The following SLC44A5 variants were observed in gnomAD, a reference collection of about 807,000 sequenced individuals.
SLC44A5 encodes choline transporter-like protein 5.
In SLC44A5, 57 loss-of-function variants were observed where a neutral mutation model predicts 101.8. The observed-to-expected ratio is 0.56, with a 90% confidence interval of 0.45 to 0.70. The LOEUF (loss-of-function observed/expected upper bound fraction) is 0.70, where lower values mean the gene tolerates loss of function less well. Among genes scored for constraint, SLC44A5 ranks in the 30% least tolerant of loss-of-function variants. SLC44A5 has a pLI of 0.00. For synonymous variants in SLC44A5, 281 were observed against 290.9 expected, an observed-to-expected ratio of 0.97 and a Z score of 0.35; for missense variants, 737 against 853.1, an observed-to-expected ratio of 0.86 and a Z score of 1.70.
At chr1:75,429,668 ATGG>A (rs954678899) in intron 2 of SLC44A5, among the ~76,000 whole-genome samples, 3 of 152,146 alleles carry the variant, frequency 2.0e-5, no homozygotes, top group African/African-American at 7.2e-5. Flanking sequence ...ATTTCCAGTC[ATGG>A]TGGAAGATGA....
At chr1:75,311,202 C>T (rs1010474571) in intron 4 of SLC44A5, among the ~76,000 whole-genome samples, 14 of 151,862 alleles carry the variant, frequency 9.2e-5, no homozygotes, top group Non-Finnish European at 1.5e-5. Flanking sequence ...CTGCAACCTC[C>T]GTTTCCCAGG....
At chr1:75,397,726 T>C (rs1374546208) in intron 2 of SLC44A5, among the ~76,000 whole-genome samples, 1 of 152,154 alleles carries the variant, frequency 6.6e-6, no homozygotes, top group African/African-American at 2.4e-5. Flanking sequence ...TAATCTTTGT[T>C]TAAAGTCACA....
intron 13 of SLC44A5, 54 bp downstream of exon 13, chr1:75,227,672 A>T (rs1218988106): frequency 6.9e-7 from 1 of 1,448,934 alleles, no homozygotes; most frequent in African/African-American, 1.5e-5. Flanking sequence ...TTTAGGCAAA[A>T]AGATATTTTC....
chr1:75,513,728 A>G (rs1669682998), intron 2 of SLC44A5, among the ~76,000 whole-genome samples: 1 of 152,206 alleles, frequency 6.6e-6, no homozygotes, highest in Admixed American at 6.5e-5. Context: ...TACAAAAGGG[A>G]GCCTTTGAAG....
chr1:75,582,489 A>G, intron 1 of SLC44A5: 1 of 588,968 alleles, frequency 1.7e-6, no homozygotes. Context: ...ACCAAGGCCC[A>G]GCCTGCAGCT....
the SLC44A5 span, among the ~76,000 whole-genome samples, chr1:75,664,158 C>G: frequency 2.6e-5 from 4 of 152,064 alleles, no homozygotes; most frequent in Non-Finnish European, 5.9e-5. Flanking sequence ...GAATATACCT[C>G]AGTAAGAGCC....
At chr1:75,705,587 CT>C in the SLC44A5 span, among the ~76,000 whole-genome samples, 6 of 152,070 alleles carry the variant, frequency 3.9e-5, no homozygotes, top group African/African-American at 1.4e-4. Context: ...ATAGTTATCC[CT>C]TTTTATTATA....
chr1:75,713,051 C>A, the SLC44A5 span, among the ~76,000 whole-genome samples: 1 of 152,150 alleles, frequency 6.6e-6, no homozygotes, highest in East Asian at 1.9e-4. Context: ...TTCCGCCTAA[C>A]CACTACCCTC....
the SLC44A5 span, among the ~76,000 whole-genome samples, chr1:75,698,653 G>C: frequency 1.3e-5 from 2 of 152,232 alleles, no homozygotes; most frequent in Non-Finnish European, 2.9e-5. Flanking sequence ...GCTGGATGGA[G>C]AATGACTTGG....
At chr1:75,632,584 T>C in the SLC44A5 span, among the ~76,000 whole-genome samples, 6 of 145,336 alleles carry the variant, frequency 4.1e-5, no homozygotes, top group Admixed American at 3.5e-4. Flanking sequence ...TAAAATCTCA[T>C]TGCAGAATGA....
At chr1:75,714,555 A>G in the SLC44A5 span, among the ~76,000 whole-genome samples, 1 of 152,230 alleles carries the variant, frequency 6.6e-6, no homozygotes, top group Non-Finnish European at 1.5e-5. Context: ...AGATGTTGGA[A>G]GTCAGCAACA....
intron 3 of SLC44A5, chr1:75,353,996 C>A: frequency 5.6e-6 from 2 of 357,922 alleles, no homozygotes; most frequent in East Asian, 9.3e-5. Context: ...ACTTGAAGGC[C>A]TGCAAATTAA....
At chr1:75,687,140 GGTCCAATCT>G in the SLC44A5 span, among the ~76,000 whole-genome samples, 1 of 152,004 alleles carries the variant, frequency 6.6e-6, no homozygotes. Context: ...ACCCAGATTG[GGTCCAATCT>G]GGTGCTAAAT....
chr1:75,281,424 C>A (rs905693860), intron 5 of SLC44A5, among the ~76,000 whole-genome samples: 2 of 151,988 alleles, frequency 1.3e-5, no homozygotes, highest in African/African-American at 2.4e-5. Context: ...GGAAAATTTG[C>A]AGCCCAACAA....
intron 3 of SLC44A5, among the ~76,000 whole-genome samples, chr1:75,348,056 A>G (rs1658381903): frequency 6.6e-6 from 1 of 152,188 alleles, no homozygotes; most frequent in Non-Finnish European, 1.5e-5. Flanking sequence ...TGCCAGTAGT[A>G]GAAAACTGTG....
intron 2 of SLC44A5, among the ~76,000 whole-genome samples, chr1:75,524,032 T>G (rs1445866462): frequency 6.6e-6 from 1 of 152,242 alleles, no homozygotes; most frequent in Non-Finnish European, 1.5e-5. Flanking sequence ...TGACATGGTT[T>G]GGCTCTATGT....
chr1:75,476,152 C>G (rs58416133), intron 2 of SLC44A5, among the ~76,000 whole-genome samples: 1 of 151,722 alleles, frequency 6.6e-6, no homozygotes, highest in Admixed American at 6.6e-5. Context: ...CACTGCACTC[C>G]AGCCTGGGAG....
chr1:75,669,646 G>A, the SLC44A5 span, among the ~76,000 whole-genome samples: 15 of 151,974 alleles, frequency 9.9e-5, no homozygotes, highest in South Asian at 1.9e-3. Flanking sequence ...GAATTCTGAC[G>A]CCACTATAAG....
chr1:75,576,012 T>C (rs984239819), intron 1 of SLC44A5, among the ~76,000 whole-genome samples: 4 of 150,740 alleles, frequency 2.7e-5, no homozygotes, highest in Non-Finnish European at 5.9e-5. Context: ...GTAGCCAAAA[T>C]GAGAACGGTT....
Sources: allele counts gnomAD v4.1 joint callset (sites outside exome capture counted in the v4.1 genomes callset), GRCh38; gene constraint gnomAD v4.1.1; transcripts MANE v1.5; gene names NCBI Gene and HGNC (gene_info 2026-07-23, HGNC 2026-07-21).